The following SH3RF3 variants were observed in gnomAD, a reference collection of about 807,000 sequenced individuals.
The protein encoded by SH3RF3 is E3 ubiquitin-protein ligase SH3RF3.
Under a neutral mutation model 66.3 loss-of-function variants are expected in SH3RF3, and 29 were observed. That is an observed-to-expected ratio of 0.44 (90% CI 0.33 to 0.60). The LOEUF (loss-of-function observed/expected upper bound fraction) is 0.60. Ranked by LOEUF, SH3RF3 falls within the 20% of genes least tolerant of loss-of-function variation. The pLI, the probability that SH3RF3 is intolerant of heterozygous loss-of-function variation, is 0.04. For missense variants in SH3RF3, 1,194 were observed against 1,190.9 expected (o/e 1.00, Z -0.04); for synonymous variants, 583 against 532.0 (o/e 1.10, Z -1.32).
At chr2:109,365,776 C>T (rs537683317) in intron 2 of SH3RF3, among the ~76,000 whole-genome samples, 2 of 152,184 alleles carry the variant, frequency 1.3e-5, no homozygotes, top group East Asian at 1.9e-4. Flanking sequence ...TTGCATGTAT[C>T]TGTGGTCCCG....
At chr2:109,462,032 G>C (rs1261252537) in intron 8 of SH3RF3, among the ~76,000 whole-genome samples, 1 of 151,866 alleles carries the variant, frequency 6.6e-6, no homozygotes, top group Non-Finnish European at 1.5e-5. Flanking sequence ...CAAACCCCTA[G>C]AAATTTCACT....
rs1040645465 is a variant in SH3RF3 at position 109,314,229 on chromosome 2, T to C, written c.574-33445T>C. Among the ~76,000 whole-genome samples, 3 of 152,162 alleles carry C rather than the reference T, an allele frequency of 2.0e-5. No homozygotes were observed. In the East Asian group the frequency reaches 5.8e-4, roughly 29 times the overall value. On this transcript the variant is annotated intron_variant, in intron 1 of 9. Coordinates refer to ENST00000309415, the MANE Select transcript of SH3RF3 (RefSeq NM_001099289.3). Reference sequence around the variant, plus strand: ...GCACCAGAACCATGTGGGTCATGTATATTTAATGCTGCCTGCTTGAGAAAG... The same window carrying C: ...GCACCAGAACCATGTGGGTCATGTACATTTAATGCTGCCTGCTTGAGAAAG...
rs1201878542 is a variant in SH3RF3, at chr2:109,130,023, G to A, written c.483G>A (p.Pro161=). Residue 161 remains proline (P), a synonymous_variant, in exon 1 of 10, where the codon CCG becomes CCA. Coordinates refer to ENST00000309415, the MANE Select transcript of SH3RF3 (RefSeq NM_001099289.3). ...GGGGCGGCGCGGCAGGCAGCACCCCGGGTTCCCCGGTTTTCCTCTCCGCGG... is the reference window on the plus strand; with the variant it reads ...GGGGCGGCGCGGCAGGCAGCACCCCAGGTTCCCCGGTTTTCCTCTCCGCGG... ...GGGGGAAGST[P]GSPVFLSAAA... 8 of 1,324,668 alleles carry A rather than the reference G, an allele frequency of 6.0e-6. 1 individual carries two copies. Among genetic ancestry groups the A allele is most frequent in the East Asian group, 3.1e-5 (1 of 32,256 alleles). 82.1% of individuals were successfully genotyped at this position (1,324,668 alleles called of 1,614,324 possible). A position where few individuals can be genotyped will look rare whatever the true frequency, so the allele number is the denominator to read the frequency against.
chr2:109,442,179 C>T (rs548045914), intron 7 of SH3RF3, among the ~76,000 whole-genome samples: 9 of 152,052 alleles, frequency 5.9e-5, no homozygotes, highest in African/African-American at 1.2e-4. Context: ...GGCGTGTTGG[C>T]GGGCGCCTGT....
chr2:109,153,393 C>G (rs1278209166), intron 1 of SH3RF3, among the ~76,000 whole-genome samples: 1 of 152,146 alleles, frequency 6.6e-6, no homozygotes. Flanking sequence ...TTTGGAAAGG[C>G]AATTACGCTG....
chr2:109,462,512 G>A (rs1678233084), intron 8 of SH3RF3, among the ~76,000 whole-genome samples: 1 of 152,154 alleles, frequency 6.6e-6, no homozygotes, highest in Non-Finnish European at 1.5e-5. Flanking sequence ...AAACAGGAGA[G>A]TTGAATAGGG....
intron 7 of SH3RF3, among the ~76,000 whole-genome samples, chr2:109,443,557 G>A (rs1336742634): frequency 6.6e-6 from 1 of 152,198 alleles, no homozygotes; most frequent in Non-Finnish European, 1.5e-5. Context: ...TGCCAATAAT[G>A]AGAATAGATT....
intron 1 of SH3RF3, among the ~76,000 whole-genome samples, chr2:109,208,121 C>G (rs1185787244): frequency 6.6e-6 from 1 of 152,254 alleles, no homozygotes; most frequent in Non-Finnish European, 1.5e-5. Flanking sequence ...ATGCTGCTGC[C>G]CCCATGGGCT....
At chr2:109,396,063 C>T (rs1327291189) in intron 3 of SH3RF3, among the ~76,000 whole-genome samples, 2 of 152,148 alleles carry the variant, frequency 1.3e-5, no homozygotes, top group Non-Finnish European at 2.9e-5. Flanking sequence ...GAACGTGCTC[C>T]GATGCCAGTG....
intron 1 of SH3RF3, among the ~76,000 whole-genome samples, chr2:109,212,618 T>C (rs961204546): frequency 7.2e-5 from 11 of 152,330 alleles, no homozygotes; most frequent in Admixed American, 2.0e-4. Context: ...TTTGGGTTCA[T>C]TGATCTTTGT....
intron 3 of SH3RF3, among the ~76,000 whole-genome samples, chr2:109,374,604 G>A (rs539096538): frequency 2.2e-3 from 328 of 152,266 alleles, no homozygotes; most frequent in African/African-American, 7.2e-3. Flanking sequence ...TACTGCACAG[G>A]CAGCCGGCAC....
intron 1 of SH3RF3, among the ~76,000 whole-genome samples, chr2:109,160,723 T>C (rs766674342): frequency 5.3e-5 from 8 of 152,144 alleles, no homozygotes; most frequent in Admixed American, 3.9e-4. Context: ...CTGTCCCTGC[T>C]CCTACTCTGG....
rs1573246939 is a variant in SH3RF3 at position 109,432,426 on chromosome 2, C to A, written c.1404-75C>A. 8 of 1,562,626 alleles carry A rather than the reference C, an allele frequency of 5.1e-6. No homozygotes were observed. The South Asian group carries it at 5.9e-5, about 11-fold the overall frequency. On this transcript the variant is annotated intron_variant, in intron 5 of 9. Coordinates refer to ENST00000309415, the MANE Select transcript of SH3RF3 (RefSeq NM_001099289.3). ...GGTTGGGTTCCTCCAAAGACAACCT[C>A]CCCCCAGGAATGCCGGCCGGTCCCC... is the stretch of plus-strand genomic sequence containing the variant.
intron 1 of SH3RF3, among the ~76,000 whole-genome samples, chr2:109,175,764 A>G (rs546174805): frequency 5.9e-5 from 9 of 152,222 alleles, no homozygotes; most frequent in Admixed American, 2.6e-4. Context: ...ATTGTAATCT[A>G]TTGGCTTCAA....
intron 1 of SH3RF3, among the ~76,000 whole-genome samples, chr2:109,250,136 CTTAAGGTTTTTCTCTGTCT>C (rs1680050797): frequency 6.8e-6 from 1 of 146,688 alleles, no homozygotes; most frequent in Admixed American, 6.8e-5. Flanking sequence ...TTTATCTGTC[CTTAAGGTTTTTCTCTGTCT>C]TTAAGGTTTT....
intron 3 of SH3RF3, among the ~76,000 whole-genome samples, chr2:109,388,558 C>G (rs1461262720): frequency 6.6e-6 from 1 of 152,232 alleles, no homozygotes. Flanking sequence ...GTGAGAAGTG[C>G]TGAGCAGTGT....
intron 5 of SH3RF3, among the ~76,000 whole-genome samples, chr2:109,426,822 A>T (rs1417220786): frequency 6.6e-6 from 1 of 152,166 alleles, no homozygotes; most frequent in Admixed American, 6.5e-5. Context: ...TATTTTAAGA[A>T]GTTGCCACAG....
At chr2:109,291,846 C>T (rs545523047) in intron 1 of SH3RF3, among the ~76,000 whole-genome samples, 28 of 152,346 alleles carry the variant, frequency 1.8e-4, no homozygotes, top group African/African-American at 6.7e-4. Flanking sequence ...CATGCCTTCT[C>T]AGTCTAAAGA....
At chr2:109,167,402 G>A (rs1400588014) in intron 1 of SH3RF3, among the ~76,000 whole-genome samples, 1 of 152,122 alleles carries the variant, frequency 6.6e-6, no homozygotes, top group Non-Finnish European at 1.5e-5. Flanking sequence ...TAAAAGTATT[G>A]GGGAGACTTG....
Sources: allele counts gnomAD v4.1 joint callset (sites outside exome capture counted in the v4.1 genomes callset), GRCh38; gene constraint gnomAD v4.1.1; transcripts MANE v1.5; gene names NCBI Gene and HGNC (gene_info 2026-07-23, HGNC 2026-07-21).